The following BCAT1 variants were observed in gnomAD, a reference collection of about 807,000 sequenced individuals.
The protein encoded by BCAT1 is branched-chain-amino-acid aminotransferase, cytosolic.
A neutral mutation model predicts 52.4 loss-of-function variants in BCAT1; 48 were observed. The observed-to-expected ratio is 0.92, with a 90% CI of 0.73 to 1.16. BCAT1 has a LOEUF of 1.16. Ranked by LOEUF, BCAT1 falls within the 50% of genes most tolerant of loss-of-function variation. BCAT1 has a pLI of 0.00. For synonymous variants in BCAT1, 167 were observed against 161.3 expected (o/e 1.04, Z -0.27); for missense variants, 451 against 457.1 (o/e 0.99, Z 0.12).
At chr12:24,890,524 T>C (rs915374725) in intron 3 of BCAT1, among the ~76,000 whole-genome samples, 3 of 152,172 alleles carry the variant, frequency 2.0e-5, no homozygotes, top group African/African-American at 7.2e-5. Context: ...ATGAAAGGGA[T>C]GTCTGGCCGT....
At chr12:24,820,883 G>T (rs550645479) in intron 10 of BCAT1, among the ~76,000 whole-genome samples, 9 of 152,074 alleles carry the variant, frequency 5.9e-5, no homozygotes, top group African/African-American at 2.2e-4. Context: ...TGCATGTCAT[G>T]CAGTCACTCT....
intron 5 of BCAT1, among the ~76,000 whole-genome samples, chr12:24,856,852 A>C (rs2139496770): frequency 6.6e-6 from 1 of 152,360 alleles, no homozygotes; most frequent in East Asian, 1.9e-4. Context: ...TCCCTGAAAC[A>C]AAAACTGGAT....
intron 5 of BCAT1, among the ~76,000 whole-genome samples, chr12:24,853,408 A>G (rs1271868636): frequency 6.6e-6 from 1 of 152,226 alleles, no homozygotes. Context: ...TTAGGTACAT[A>G]TAGACACAAA....
chr12:24,909,113 T>C (rs1591866450), intron 1 of BCAT1, among the ~76,000 whole-genome samples: 1 of 152,174 alleles, frequency 6.6e-6, no homozygotes. Context: ...ATGATTAGGA[T>C]ATTATGTGAG....
Position 24,810,046 on chromosome 12 carries a change from G to A in BCAT1, c.*7962C>T, listed in dbSNP as rs1446925015. On this transcript the variant is annotated 3_prime_UTR_variant, in exon 11 of 11. Transcript: ENST00000261192. ...ATGAATCTTCCAACTCAATTTATTTGTTTCAGCTCACGAACTTTTCAGAAT... is the reference window on the plus strand; with the variant it reads ...ATGAATCTTCCAACTCAATTTATTTATTTCAGCTCACGAACTTTTCAGAAT... 1 of 152,194 alleles carries A rather than the reference G, an allele frequency of 6.6e-6. No homozygotes were observed. The highest frequency in any genetic ancestry group is 2.4e-5 in the African/African-American group (1 of 41,450). 9.4% of individuals were successfully genotyped at this position (152,194 alleles called of 1,614,324 possible).
At chr12:24,871,619 T>C (rs893675965) in intron 5 of BCAT1, among the ~76,000 whole-genome samples, 1 of 152,092 alleles carries the variant, frequency 6.6e-6, no homozygotes, top group African/African-American at 2.4e-5. Context: ...TGAATGAAGA[T>C]AGAAGGGAAT....
chr12:24,912,253 A>G (rs369325242), intron 1 of BCAT1, among the ~76,000 whole-genome samples: 8 of 152,084 alleles, frequency 5.3e-5, no homozygotes, highest in East Asian at 1.9e-4. Context: ...AGTGGCTCAC[A>G]CCTGTAATCC....
At chr12:24,938,227 T>C (rs1239941956) in intron 1 of BCAT1, among the ~76,000 whole-genome samples, 8 of 152,040 alleles carry the variant, frequency 5.3e-5, no homozygotes, top group Non-Finnish European at 1.2e-4. Context: ...GAAACAGTAC[T>C]GGGCAGGGTG....
chr12:24,870,748 C>A (rs1161330787), intron 5 of BCAT1, among the ~76,000 whole-genome samples: 1 of 152,176 alleles, frequency 6.6e-6, no homozygotes, highest in Non-Finnish European at 1.5e-5. Context: ...TGTTATCAGG[C>A]CAAGCTCAGT....
At chr12:24,818,235 T>C (rs1310336884) in intron 10 of BCAT1, among the ~76,000 whole-genome samples, 186 bp from the exon 11 acceptor site, 2 of 152,158 alleles carry the variant, frequency 1.3e-5, no homozygotes, top group Non-Finnish European at 2.9e-5. Context: ...AGGGACACCA[T>C]ATAAAACATA....
chr12:24,858,806 C>T (rs1010851055), intron 5 of BCAT1, among the ~76,000 whole-genome samples: 3 of 152,148 alleles, frequency 2.0e-5, no homozygotes, highest in South Asian at 4.1e-4. Flanking sequence ...TATAAGAAGG[C>T]ATGGGAATGT....
chr12:24,814,580 C>A lies in BCAT1; in HGVS notation c.*3428G>T, dbSNP rs138732079. The A allele has an allele frequency of 2.8e-4, 43 of 152,222 alleles. No homozygotes were observed. The East Asian group carries it at 4.8e-3, about 17-fold the overall frequency. The allele number at this position is 152,222 out of a possible 1,614,324, so 9.4% of individuals were successfully genotyped here. ...CAACAATTCTTTTGACTAAGATATA[C>A]TCATTAATTGCCTCCAAGTGTTCAA... On this transcript the variant is annotated 3_prime_UTR_variant, in exon 11 of 11. Transcript: ENST00000261192.
intron 9 of BCAT1, chr12:24,830,904 G>A (rs1382152790): frequency 6.6e-6 from 1 of 152,132 alleles, no homozygotes; most frequent in African/African-American, 2.4e-5. Context: ...AACAAATGAA[G>A]CAGCCATTAT....
chr12:24,892,687 A>G (rs557099235), intron 3 of BCAT1, among the ~76,000 whole-genome samples: 1 of 151,934 alleles, frequency 6.6e-6, no homozygotes, highest in South Asian at 2.1e-4. Flanking sequence ...ACCCAGTCTC[A>G]ACAAAATATG....
intron 6 of BCAT1, among the ~76,000 whole-genome samples, chr12:24,848,647 T>A (rs1941413523): frequency 6.6e-6 from 1 of 152,184 alleles, no homozygotes; most frequent in Non-Finnish European, 1.5e-5. Context: ...TGGTATGCAG[T>A]GGTACATAGG....
chr12:24,864,488 G>T (rs1941945604), intron 5 of BCAT1, among the ~76,000 whole-genome samples: 1 of 152,162 alleles, frequency 6.6e-6, no homozygotes, highest in Admixed American at 6.5e-5. Flanking sequence ...CAAGGTGGGG[G>T]TTGGATGCTG....
intron 1 of BCAT1, among the ~76,000 whole-genome samples, chr12:24,915,866 AC>A (rs765722084): frequency 6.6e-6 from 1 of 151,992 alleles, no homozygotes; most frequent in Non-Finnish European, 1.5e-5. Flanking sequence ...GACTTTTGAA[AC>A]CTCTCAAGGG....
chr12:24,929,523 A>G (rs533177030), intron 1 of BCAT1, among the ~76,000 whole-genome samples: 2 of 152,326 alleles, frequency 1.3e-5, no homozygotes, highest in African/African-American at 2.4e-5. Flanking sequence ...ATTTATATCT[A>G]TAAAGAAAAA....
At chr12:24,826,754 C>T (rs984136235) in intron 10 of BCAT1, among the ~76,000 whole-genome samples, 1 of 152,132 alleles carries the variant, frequency 6.6e-6, no homozygotes, top group Admixed American at 6.5e-5. Flanking sequence ...AAAATTAATT[C>T]TTCCAATCCA....
Sources: gnomAD v4.1 joint callset for allele counts (sites outside exome capture counted in the v4.1 genomes callset) on GRCh38, gnomAD v4.1.1 for gene constraint, MANE v1.5 for transcripts, NCBI Gene and HGNC (gene_info 2026-07-23, HGNC 2026-07-21) for gene names.